GTF2H1: variants seen among roughly 807,000 people sequenced by gnomAD.
The protein encoded by GTF2H1 is BTF2 p62.
Under a neutral mutation model 71.2 loss-of-function variants are expected in GTF2H1, and 16 were observed. That is an observed-to-expected ratio of 0.22 (90% CI 0.15 to 0.34). The LOEUF is 0.34. Ranked by LOEUF, GTF2H1 falls within the 10% of genes least tolerant of loss-of-function variation. GTF2H1 has a pLI of 1.00. For synonymous variants in GTF2H1, 215 were observed against 219.0 expected (o/e 0.98, Z 0.16); for missense variants, 498 against 648.2 (o/e 0.77, Z 2.52).
At chr11:18,354,912 G>A (rs568597259) in intron 11 of GTF2H1, among the ~76,000 whole-genome samples, 4 of 151,158 alleles carry the variant, frequency 2.6e-5, no homozygotes, top group Non-Finnish European at 5.9e-5. Flanking sequence ...TGGCTCAAGC[G>A]ATCCTCCCAC....
chr11:18,336,309 T>C (rs1008147847), intron 3 of GTF2H1, among the ~76,000 whole-genome samples: 7 of 151,984 alleles, frequency 4.6e-5, no homozygotes, highest in African/African-American at 1.7e-4. Context: ...GTAATTTTAA[T>C]AGAGACAGGG....
At chr11:18,361,881 G>A (rs988620476) in intron 14 of GTF2H1, among the ~76,000 whole-genome samples, 1 of 152,194 alleles carries the variant, frequency 6.6e-6, no homozygotes, top group Non-Finnish European at 1.5e-5. Flanking sequence ...GTATTGAGAA[G>A]TGTCACTTTA....
chr11:18,358,467 TCGAGAC>T, intron 12 of GTF2H1, 52 bp from the exon 13 acceptor site: 3 of 937,332 alleles, frequency 3.2e-6, no homozygotes, highest in Admixed American at 4.1e-5. Flanking sequence ...GTCATTTTTT[TCGAGAC>T]TGTATATGTT....
intron 1 of GTF2H1, among the ~76,000 whole-genome samples, chr11:18,326,487 A>G (rs982254262): frequency 2.1e-4 from 31 of 150,694 alleles, no homozygotes; most frequent in Admixed American, 3.3e-4. Flanking sequence ...AGGCCACTGC[A>G]CTCCAGCCTG....
At chr11:18,358,662 A>G in intron 13 of GTF2H1, 22 bp downstream of exon 13, 2 of 1,400,602 alleles carry the variant, frequency 1.4e-6, no homozygotes, top group Non-Finnish European at 1.0e-6. Flanking sequence ...TTCTGAAGAC[A>G]GCCAGATAAT....
Position 18,354,839 on chromosome 11 carries a change from C to T in GTF2H1, c.1260+2393C>T, listed in dbSNP as rs959893117. 1.3e-4 allele frequency among the ~76,000 whole-genome samples: 19 copies of T among 151,412 alleles called. No homozygotes were observed. In the East Asian group the frequency reaches 3.5e-3, roughly 28 times the overall value. ...TGTTTTTGTTTTTGAGATGGGGTCT[C>T]ACTCTGTCACCCAGGCTGAAGTGCA... On this transcript the variant is annotated intron_variant, in intron 11 of 14. Transcript: ENST00000265963.
intron 1 of GTF2H1, among the ~76,000 whole-genome samples, chr11:18,329,752 CCTTTA>C (rs1360349444): frequency 6.6e-6 from 1 of 152,182 alleles, no homozygotes; most frequent in African/African-American, 2.4e-5. Flanking sequence ...CACCTGTTTC[CCTTTA>C]CTTTCTCTGT....
intron 1 of GTF2H1, among the ~76,000 whole-genome samples, chr11:18,327,740 C>T (rs1341585965): frequency 6.6e-6 from 1 of 152,176 alleles, no homozygotes; most frequent in African/African-American, 2.4e-5. Flanking sequence ...AGATGTGTAC[C>T]ACCAGGCCCA....
chr11:18,328,202 CAAAAAA>C (rs35694798), intron 1 of GTF2H1, among the ~76,000 whole-genome samples: 1 of 99,936 alleles, frequency 1.0e-5, no homozygotes, highest in Admixed American at 1.1e-4. Context: ...GACTCCATCT[CAAAAAA>C]AAAAAAAAAA....
chr11:18,351,691 A>G lies in GTF2H1; in HGVS notation c.1054-190A>G, dbSNP rs186909269. On this transcript the variant is annotated intron_variant, in intron 9 of 14. Coordinates refer to ENST00000265963, the MANE Select transcript of GTF2H1 (RefSeq NM_005316.4). ...TACTTCATGTGGTCAGAGTGTAAGA[A>G]AACTAGTATTCTTAAGTAGTTGTTG... The G allele has an allele frequency of 1.9e-3, 822 of 428,452 alleles. 16 individuals are homozygous for G. Among genetic ancestry groups the G allele is most frequent in the Non-Finnish European group, 1.3e-4 (31 of 232,556 alleles). The allele number at this position is 428,452 out of a possible 1,614,324, so 26.5% of individuals were successfully genotyped here. A position where few individuals can be genotyped will look rare whatever the true frequency, so the allele number is the denominator to read the frequency against.
At chr11:18,327,384 C>T (rs1864792248) in intron 1 of GTF2H1, among the ~76,000 whole-genome samples, 1 of 152,100 alleles carries the variant, frequency 6.6e-6, no homozygotes, top group Non-Finnish European at 1.5e-5. Context: ...CATATATTTT[C>T]AGAGTAACAT....
chr11:18,354,378 A>C (rs1223135517), intron 11 of GTF2H1, among the ~76,000 whole-genome samples: 1 of 152,204 alleles, frequency 6.6e-6, no homozygotes, highest in African/African-American at 2.4e-5. Flanking sequence ...GTGGAGCTGT[A>C]CTTTGAGACT....
chr11:18,346,120 T>TTTTAGCCTC (rs905115644), intron 7 of GTF2H1, among the ~76,000 whole-genome samples: 2 of 152,200 alleles, frequency 1.3e-5, no homozygotes, highest in African/African-American at 4.8e-5. Context: ...TCTTTCACCT[T>TTTTAGCCTC]TTTAGCCTCA....
chr11:18,347,938 G>A lies in GTF2H1; in HGVS notation c.1053+19G>A, dbSNP rs1159941043. 4 of 1,527,736 alleles carry A rather than the reference G, an allele frequency of 2.6e-6. No homozygotes were observed. Among genetic ancestry groups the A allele is most frequent in the Non-Finnish European group, 3.6e-6 (4 of 1,101,076 alleles). 94.6% of individuals were successfully genotyped at this position (1,527,736 alleles called of 1,614,324 possible). The stretch of plus-strand genomic sequence containing the variant: ...CAAAAGGGTATGGGCAAAAAAATAT[G>A]AACCATTTGGGGCTCAAGTTTCTCC... On this transcript the variant is annotated intron_variant, in intron 9 of 14. Coordinates refer to ENST00000265963, the MANE Select transcript of GTF2H1 (RefSeq NM_005316.4).
intron 13 of GTF2H1, among the ~76,000 whole-genome samples, chr11:18,359,729 G>C (rs977843281): frequency 7.2e-5 from 11 of 151,972 alleles, no homozygotes; most frequent in Non-Finnish European, 1.6e-4. Context: ...TTTATTTATT[G>C]AGTCAGGGTC....
chr11:18,365,183 G>T (rs1407134605), intron 14 of GTF2H1, among the ~76,000 whole-genome samples: 1 of 151,638 alleles, frequency 6.6e-6, no homozygotes, highest in Non-Finnish European at 1.5e-5. Flanking sequence ...TTCAAGACCA[G>T]CCTGGCCAAC....
chr11:18,348,678 T>A (rs1590193080), intron 9 of GTF2H1: 1 of 152,322 alleles, frequency 6.6e-6, no homozygotes, highest in East Asian at 1.9e-4. Context: ...TGTTCATTAT[T>A]TTGAAAGCAT....
intron 7 of GTF2H1, 49 bp downstream of exon 7, chr11:18,341,656 C>T: frequency 8.5e-7 from 1 of 1,179,168 alleles, no homozygotes; most frequent in Non-Finnish European, 1.2e-6. Flanking sequence ...TTTTCCTAGT[C>T]TTCAACATTG....
At chr11:18,351,219 T>G (rs919665963) in intron 9 of GTF2H1, among the ~76,000 whole-genome samples, 3 of 147,618 alleles carry the variant, frequency 2.0e-5, no homozygotes, top group African/African-American at 7.9e-5. Flanking sequence ...GGTGGTGATA[T>G]GCGCCTAGAA....
Sources: gnomAD v4.1 joint callset for allele counts (sites outside exome capture counted in the v4.1 genomes callset) on GRCh38, gnomAD v4.1.1 for gene constraint, MANE v1.5 for transcripts, NCBI Gene and HGNC (gene_info 2026-07-23, HGNC 2026-07-21) for gene names.